The following ENTREP2 variants were observed in gnomAD, a reference collection of about 807,000 sequenced individuals.
ENTREP2 encodes endosomal transmembrane epsin interactor 2, also known as protein ENTREP2.
At chr15:29,266,210 G>A in the ENTREP2 span, 1 of 152,212 alleles carries the variant, frequency 6.6e-6, no homozygotes, top group African/African-American at 2.4e-5. Context: ...TTACTAGTAA[G>A]CAACAGGTAT....
the ENTREP2 span, among the ~76,000 whole-genome samples, chr15:29,155,947 G>A: frequency 3.2e-4 from 48 of 152,146 alleles, no homozygotes; most frequent in African/African-American, 1.0e-3. Flanking sequence ...ACTGCCTTAG[G>A]GATCCTACTA....
At chr15:29,607,227 T>C in the ENTREP2 span, among the ~76,000 whole-genome samples, 1 of 152,150 alleles carries the variant, frequency 6.6e-6, no homozygotes, top group Non-Finnish European at 1.5e-5. Context: ...GTTTTCTTCA[T>C]GAGGAAAACC....
the ENTREP2 span, among the ~76,000 whole-genome samples, chr15:29,488,546 A>G: frequency 6.6e-6 from 1 of 152,198 alleles, no homozygotes. Context: ...TAAAAGATAC[A>G]AATCTACACA....
chr15:29,359,506 G>A, the ENTREP2 span, among the ~76,000 whole-genome samples: 1 of 152,186 alleles, frequency 6.6e-6, no homozygotes, highest in Non-Finnish European at 1.5e-5. Flanking sequence ...TCCGCCTCCC[G>A]GGTTCAAGCA....
the ENTREP2 span, among the ~76,000 whole-genome samples, chr15:29,300,073 A>G: frequency 1.3e-5 from 2 of 150,714 alleles, no homozygotes; most frequent in South Asian, 4.2e-4. Context: ...AGGTGGGTGG[A>G]CAGATGGATG....
chr15:29,482,433 C>T, the ENTREP2 span, among the ~76,000 whole-genome samples: 10,467 of 152,240 alleles, frequency 0.069, 492 homozygotes, highest in South Asian at 0.13. Flanking sequence ...TGTATAACAA[C>T]GTGTATCCAC....
At chr15:29,657,104 G>A in the ENTREP2 span, among the ~76,000 whole-genome samples, 9 of 152,256 alleles carry the variant, frequency 5.9e-5, no homozygotes, top group East Asian at 3.9e-4. Flanking sequence ...CCAGAGGGCA[G>A]TGGCGCGGTC....
At chr15:29,648,085 C>T in the ENTREP2 span, among the ~76,000 whole-genome samples, 4 of 145,838 alleles carry the variant, frequency 2.7e-5, no homozygotes, top group South Asian at 4.2e-4. Context: ...ACCGGCTCCA[C>T]CTGAACATCA....
At chr15:29,306,712 T>TAA in the ENTREP2 span, among the ~76,000 whole-genome samples, 1 of 117,640 alleles carries the variant, frequency 8.5e-6, no homozygotes, top group Non-Finnish European at 1.7e-5. Flanking sequence ...TTTTTGGAGA[T>TAA]AGAGTCTTGC....
At chr15:29,537,393 C>A in the ENTREP2 span, among the ~76,000 whole-genome samples, 3 of 152,346 alleles carry the variant, frequency 2.0e-5, no homozygotes, top group African/African-American at 7.2e-5. Flanking sequence ...GCACACACCA[C>A]AAATTCTAGA....
chr15:29,655,012 T>G, the ENTREP2 span, among the ~76,000 whole-genome samples: 1 of 152,220 alleles, frequency 6.6e-6, no homozygotes, highest in African/African-American at 2.4e-5. Flanking sequence ...TCACTGCTGT[T>G]GTCAAATGAT....
chr15:29,338,447 G>GA, the ENTREP2 span, among the ~76,000 whole-genome samples: 2 of 148,460 alleles, frequency 1.3e-5, no homozygotes, highest in Admixed American at 1.3e-4. Flanking sequence ...AAAAAGAAAA[G>GA]AAAAAAAAGA....
chr15:29,396,671 G>A, the ENTREP2 span, among the ~76,000 whole-genome samples: 19 of 152,098 alleles, frequency 1.2e-4, no homozygotes, highest in African/African-American at 4.3e-4. Context: ...TCATATCCAA[G>A]AAATCACTGC....
chr15:29,325,629 C>T, the ENTREP2 span, among the ~76,000 whole-genome samples: 1 of 152,058 alleles, frequency 6.6e-6, no homozygotes, highest in African/African-American at 2.4e-5. Flanking sequence ...AAAAAGAAAG[C>T]AGCAGGCCCA....
At chr15:29,653,166 A>C in the ENTREP2 span, among the ~76,000 whole-genome samples, 2 of 152,108 alleles carry the variant, frequency 1.3e-5, no homozygotes, top group South Asian at 2.1e-4. Flanking sequence ...CAAAACAAAA[A>C]ACTCCAGATG....
At chr15:29,249,564 G>A in the ENTREP2 span, among the ~76,000 whole-genome samples, 1 of 151,934 alleles carries the variant, frequency 6.6e-6, no homozygotes, top group Admixed American at 6.6e-5. Flanking sequence ...ATGAAATTTT[G>A]TTTTTTGAAT....
the ENTREP2 span, among the ~76,000 whole-genome samples, chr15:29,607,728 G>C: frequency 6.6e-6 from 1 of 151,876 alleles, no homozygotes; most frequent in African/African-American, 2.4e-5. Flanking sequence ...TTTTTCATGT[G>C]AAATCAAGTT....
At chr15:29,552,630 A>G in the ENTREP2 span, among the ~76,000 whole-genome samples, 1 of 152,134 alleles carries the variant, frequency 6.6e-6, no homozygotes, top group Admixed American at 6.5e-5. Flanking sequence ...CCCACAAACT[A>G]GATTATAAAG....
the ENTREP2 span, among the ~76,000 whole-genome samples, chr15:29,138,676 T>C: frequency 7.0e-6 from 1 of 142,164 alleles, no homozygotes. Context: ...TGTGTGTCTC[T>C]GTGTGTATGT....
Sources: gnomAD v4.1 joint callset for allele counts (sites outside exome capture counted in the v4.1 genomes callset) on GRCh38, gnomAD v4.1.1 for gene constraint, MANE v1.5 for transcripts, NCBI Gene and HGNC (gene_info 2026-07-23, HGNC 2026-07-21) for gene names.